Variants in NEMP2 observed in about 807,000 individuals in gnomAD.
The protein encoded by NEMP2 is nuclear envelope integral membrane protein 2.
A neutral mutation model predicts 54.2 loss-of-function variants in NEMP2; 53 were observed. The observed-to-expected ratio is 0.98, with a 90% CI of 0.78 to 1.23. The LOEUF is 1.23. Ranked by LOEUF, NEMP2 falls within the 50% of genes most tolerant of loss-of-function variation. The pLI is 0.00. For missense variants in NEMP2, 455 were observed against 511.3 expected (o/e 0.89, Z 1.06); for synonymous variants, 197 against 190.3 (o/e 1.04, Z -0.29).
rs1168053245 is a variant in NEMP2 at position 190,529,950 on chromosome 2, G to C, written c.98-4572C>G. Among the ~76,000 whole-genome samples, 1 of 152,202 alleles carries C rather than the reference G, an allele frequency of 6.6e-6. No individual in the cohort carries two copies. Among genetic ancestry groups the C allele is most frequent in the Non-Finnish European group, 1.5e-5 (1 of 68,032 alleles). On this transcript the variant is annotated intron_variant, in intron 1 of 8. Transcript: ENST00000409150. This position sits in a 1 kb window ranked among gnomAD's most constrained non-coding sequence, Gnocchi z 4.7. The stretch of plus-strand genomic sequence containing the variant: ...CTACCCCATGGCCAATACATCCATA[G>C]CTAGAGGGTTGAGTACTGTAACCCT...
the NEMP2 span, among the ~76,000 whole-genome samples, chr2:190,450,153 T>C: frequency 0.012 from 1,900 of 152,292 alleles, 38 homozygotes; most frequent in African/African-American, 0.043. Context: ...TTATCTTGAG[T>C]AATAGAGTGT....
chr2:190,470,965 A>C, the NEMP2 span, among the ~76,000 whole-genome samples: 1 of 152,162 alleles, frequency 6.6e-6, no homozygotes, highest in Non-Finnish European at 1.5e-5. Context: ...AGCTAGTAAA[A>C]GGAGATTCTG....
the NEMP2 span, among the ~76,000 whole-genome samples, chr2:190,577,654 T>A: frequency 6.6e-6 from 1 of 152,130 alleles, no homozygotes; most frequent in Non-Finnish European, 1.5e-5. The surrounding 1 kb of genome is among the most constrained non-coding windows in gnomAD (Gnocchi z 4.8). Context: ...GGCGGGCAGA[T>A]CACCTGAGGT....
the NEMP2 span, among the ~76,000 whole-genome samples, chr2:190,584,919 GA>G: frequency 9.6e-6 from 1 of 104,620 alleles, no homozygotes; most frequent in African/African-American, 3.3e-5. This position sits in a 1 kb window ranked among gnomAD's most constrained non-coding sequence, Gnocchi z 4.2. Context: ...AAGAAAGAAA[GA>G]AAGAAAGAAA....
chr2:190,639,809 C>T, the NEMP2 span, among the ~76,000 whole-genome samples: 1 of 151,930 alleles, frequency 6.6e-6, no homozygotes, highest in African/African-American at 2.4e-5. Flanking sequence ...CCACCATGCC[C>T]AGCTAATTTT....
chr2:190,453,846 A>C, the NEMP2 span, among the ~76,000 whole-genome samples: 1 of 152,214 alleles, frequency 6.6e-6, no homozygotes, highest in Non-Finnish European at 1.5e-5. Context: ...AGTGCAATGT[A>C]AACTGAGAAA....
chr2:190,503,813 G>A (rs900153579), downstream of NEMP2, among the ~76,000 whole-genome samples: 6 of 152,192 alleles, frequency 3.9e-5, no homozygotes, highest in African/African-American at 1.4e-4. This position sits in a 1 kb window ranked among gnomAD's most constrained non-coding sequence, Gnocchi z 6.3. Flanking sequence ...GGGGTGAAAG[G>A]GGGAGTGGTT....
At chr2:190,561,644 C>A in the NEMP2 span, among the ~76,000 whole-genome samples, 1 of 152,112 alleles carries the variant, frequency 6.6e-6, no homozygotes. This position sits in a 1 kb window ranked among gnomAD's most constrained non-coding sequence, Gnocchi z 5.4. Flanking sequence ...TTTCAACATA[C>A]ACTTTTTAGC....
At chr2:190,490,783 T>G in the NEMP2 span, among the ~76,000 whole-genome samples, 1 of 152,236 alleles carries the variant, frequency 6.6e-6, no homozygotes, top group Non-Finnish European at 1.5e-5. The surrounding 1 kb of genome is among the most constrained non-coding windows in gnomAD (Gnocchi z 4.5). Context: ...AGAGCTCATC[T>G]TCTTTGGGTG....
chr2:190,491,966 C>T, the NEMP2 span, among the ~76,000 whole-genome samples: 1 of 152,096 alleles, frequency 6.6e-6, no homozygotes, highest in Non-Finnish European at 1.5e-5. This position sits in a 1 kb window ranked among gnomAD's most constrained non-coding sequence, Gnocchi z 4.2. Flanking sequence ...AAATAAGAAA[C>T]AGTTACAACT....
the NEMP2 span, among the ~76,000 whole-genome samples, chr2:190,496,668 A>G: frequency 1.0e-3 from 151 of 151,680 alleles, no homozygotes; most frequent in African/African-American, 3.5e-3. The surrounding 1 kb of genome is among the most constrained non-coding windows in gnomAD (Gnocchi z 4.7). Context: ...ATGTGTGTGT[A>G]TGTGTGTGTG....
At chr2:190,435,897 T>C in the NEMP2 span, 1 of 1,216,194 alleles carries the variant, frequency 8.2e-7, no homozygotes, top group Non-Finnish European at 1.1e-6. Flanking sequence ...TGTAACTGCT[T>C]AATTTCCTGC....
chr2:190,442,271 G>A, the NEMP2 span, among the ~76,000 whole-genome samples: 1 of 152,092 alleles, frequency 6.6e-6, no homozygotes, highest in African/African-American at 2.4e-5. Flanking sequence ...GTTCAATTTA[G>A]TTGAACAGTT....
chr2:190,484,600 G>A, the NEMP2 span, among the ~76,000 whole-genome samples: 3 of 152,092 alleles, frequency 2.0e-5, no homozygotes, highest in South Asian at 2.1e-4. Context: ...CACAAATGTA[G>A]TAAAAACATT....
downstream of NEMP2, among the ~76,000 whole-genome samples, chr2:190,502,739 T>C (rs1690078862): frequency 6.6e-6 from 1 of 152,306 alleles, no homozygotes; most frequent in South Asian, 2.1e-4. The surrounding 1 kb of genome is among the most constrained non-coding windows in gnomAD (Gnocchi z 4.4). Flanking sequence ...CTCTGCCAAT[T>C]TGGAGTTCAG....
the NEMP2 span, chr2:190,433,213 G>GT: frequency 6.6e-6 from 1 of 152,142 alleles, no homozygotes; most frequent in Admixed American, 6.5e-5. This position sits in a 1 kb window ranked among gnomAD's most constrained non-coding sequence, Gnocchi z 4.5. Flanking sequence ...TTACCCAGAA[G>GT]TATCACATAA....
the NEMP2 span, among the ~76,000 whole-genome samples, chr2:190,549,150 A>G: frequency 6.6e-6 from 1 of 152,208 alleles, no homozygotes; most frequent in African/African-American, 2.4e-5. Flanking sequence ...GCAGTTTGGC[A>G]TGTGCCTCTG....
upstream of NEMP2, among the ~76,000 whole-genome samples, chr2:190,539,580 A>C (rs6736474): frequency 0.12 from 18,233 of 151,718 alleles, 1,900 homozygotes; most frequent in African/African-American, 0.28. The surrounding 1 kb of genome is among the most constrained non-coding windows in gnomAD (Gnocchi z 4.1). Flanking sequence ...AATCCATGAA[A>C]TCTTAAATTT....
chr2:190,591,490 T>C, the NEMP2 span, among the ~76,000 whole-genome samples: 3 of 152,168 alleles, frequency 2.0e-5, no homozygotes, highest in Admixed American at 2.0e-4. This position sits in a 1 kb window ranked among gnomAD's most constrained non-coding sequence, Gnocchi z 5.4. Context: ...TGTGCGTGTG[T>C]GTGTGTGCTG....
Sources: gnomAD v4.1 joint callset for allele counts (sites outside exome capture counted in the v4.1 genomes callset) on GRCh38, gnomAD v4.1.1 for gene constraint, Gnocchi (gnomAD v3.1) non-coding constraint, MANE v1.5 for transcripts, NCBI Gene and HGNC (gene_info 2026-07-23, HGNC 2026-07-21) for gene names.